The following SORCS3 variants were observed in gnomAD, a reference collection of about 807,000 sequenced individuals.
SORCS3 encodes the protein VPS10 domain-containing receptor SorCS3.
Under a neutral mutation model 146.3 loss-of-function variants are expected in SORCS3, and 57 were observed. The ratio of observed to expected loss-of-function variants is 0.39; its 90% CI spans 0.31 to 0.49. The LOEUF (loss-of-function observed/expected upper bound fraction) is 0.49. Among genes scored for constraint, SORCS3 ranks in the 20% least tolerant of loss-of-function variants. The pLI is 0.92. For synonymous variants in SORCS3, 653 were observed against 618.5 expected (o/e 1.06, Z -0.83); for missense variants, 1,341 against 1,575.5 (o/e 0.85, Z 2.52).
chr10:104,767,956 C>T (rs2017201386), intron 1 of SORCS3, among the ~76,000 whole-genome samples: 2 of 152,142 alleles, frequency 1.3e-5, no homozygotes, highest in Middle Eastern at 3.4e-3. Flanking sequence ...GCTCATCGTA[C>T]TCCAGTACAG....
intron 7 of SORCS3, among the ~76,000 whole-genome samples, chr10:105,128,721 T>G (rs114866524): frequency 0.011 from 1,611 of 152,256 alleles, 32 homozygotes; most frequent in African/African-American, 0.036. Context: ...CCCCACGCAA[T>G]CATTAGGATG....
chr10:105,173,841 T>G (rs1216195955), intron 13 of SORCS3, among the ~76,000 whole-genome samples: 1 of 152,228 alleles, frequency 6.6e-6, no homozygotes, highest in African/African-American at 2.4e-5. Flanking sequence ...GTAATGGTTT[T>G]CTCCTGAATC....
chr10:105,123,957 T>C (rs1421545919), intron 7 of SORCS3, among the ~76,000 whole-genome samples: 1 of 152,182 alleles, frequency 6.6e-6, no homozygotes, highest in Non-Finnish European at 1.5e-5. Context: ...TATAAAAACA[T>C]AAAAGACAAT....
intron 7 of SORCS3, among the ~76,000 whole-genome samples, chr10:105,137,448 G>T (rs1475271688): frequency 6.6e-6 from 1 of 151,884 alleles, no homozygotes; most frequent in Non-Finnish European, 1.5e-5. Context: ...AAAAGACACC[G>T]AATTGTACAG....
rs144793546 is a variant in SORCS3 at position 105,255,761 on chromosome 10, G to T, written c.3297G>T (p.Pro1099=). Residue 1099 remains proline, a synonymous_variant, in exon 24 of 27, where the codon CCG becomes CCT. Transcript: ENST00000369701. ...ATTTGGTCCAGTTTGAGCTGAAGCCGGGGGTACAAGTCATTGTGTATGTCA... is the reference window on the plus strand; with the variant it reads ...ATTTGGTCCAGTTTGAGCTGAAGCCTGGGGTACAAGTCATTGTGTATGTCA... The part of the protein sequence containing the change: ...NQNLVQFELK[P]GVQVIVYVTQ... 1 of 1,613,696 alleles carries T rather than the reference G, an allele frequency of 6.2e-7. No individual in the cohort carries two copies. Among genetic ancestry groups the T allele is most frequent in the South Asian group, 1.1e-5 (1 of 90,960 alleles).
chr10:104,649,704 G>A (rs2015536352), intron 1 of SORCS3, among the ~76,000 whole-genome samples: 1 of 152,206 alleles, frequency 6.6e-6, no homozygotes, highest in African/African-American at 2.4e-5. Context: ...GTGAATGACT[G>A]GGGACCTGTA....
intron 6 of SORCS3, among the ~76,000 whole-genome samples, chr10:105,103,023 C>T (rs1203615057): frequency 6.6e-6 from 1 of 151,818 alleles, no homozygotes; most frequent in Non-Finnish European, 1.5e-5. Context: ...CTCCTGACCT[C>T]GTGATCCACC....
At chr10:105,071,781 A>AT (rs577370900) in intron 5 of SORCS3, among the ~76,000 whole-genome samples, 14 of 152,182 alleles carry the variant, frequency 9.2e-5, no homozygotes, top group South Asian at 4.2e-4. Flanking sequence ...CTTTCTAACT[A>AT]TTTTTTTGTA....
At chr10:104,705,937 G>A (rs1432098367) in intron 1 of SORCS3, among the ~76,000 whole-genome samples, 1 of 152,204 alleles carries the variant, frequency 6.6e-6, no homozygotes, top group Admixed American at 6.5e-5. Context: ...CTAGAGGGGT[G>A]CTGGGCCCGA....
intron 1 of SORCS3, among the ~76,000 whole-genome samples, chr10:104,642,392 AC>A (rs936318792): frequency 2.8e-4 from 19 of 67,972 alleles, no homozygotes; most frequent in African/African-American, 3.8e-4. Flanking sequence ...CCCCACCCCC[AC>A]CCCCCCTCCC....
chr10:105,264,141 AG>A lies in SORCS3; in HGVS notation c.*773del, dbSNP rs1039096373. On this transcript the variant is annotated 3_prime_UTR_variant, in exon 27 of 27. Transcript: ENST00000369701. ...AGCTGGTTTCTACTTATGTATATAA[AG>A]GGGGGTGGGGGGAGGGGCTTCTCTG... 6 of 69,586 alleles carry A rather than the reference AG, an allele frequency of 8.6e-5. No individual in the cohort carries two copies. Among genetic ancestry groups the A allele is most frequent in the African/African-American group, 1.2e-4 (2 of 16,752 alleles). The allele number at this position is 69,586 out of a possible 1,614,324, so 4.3% of individuals were successfully genotyped here. A position where few individuals can be genotyped will look rare whatever the true frequency, so the allele number is the denominator to read the frequency against.
intron 1 of SORCS3, among the ~76,000 whole-genome samples, chr10:104,680,418 C>A (rs368884171): frequency 6.6e-6 from 1 of 152,200 alleles, no homozygotes; most frequent in South Asian, 2.1e-4. Flanking sequence ...TAGTGAGTCT[C>A]ATCTCTAGGC....
At chr10:105,205,278 G>A (rs10219105) in intron 16 of SORCS3, among the ~76,000 whole-genome samples, 51,391 of 152,012 alleles carry the variant, frequency 0.34, 8,828 homozygotes, top group South Asian at 0.48. Context: ...GATATTTTCT[G>A]TCTCTGTCCC....
At chr10:104,696,062 T>G (rs61861258) in intron 1 of SORCS3, among the ~76,000 whole-genome samples, 2 of 75,696 alleles carry the variant, frequency 2.6e-5, no homozygotes, top group African/African-American at 1.1e-4. Context: ...ATACACATAT[T>G]ATATATAATA....
chr10:105,157,864 A>G (rs893676004), intron 10 of SORCS3, among the ~76,000 whole-genome samples: 2 of 152,110 alleles, frequency 1.3e-5, no homozygotes, highest in Admixed American at 6.5e-5. Context: ...AAAATCCACA[A>G]TCTTCAGTGC....
At chr10:105,167,097 C>T (rs955499000) in intron 12 of SORCS3, among the ~76,000 whole-genome samples, 161 bp from the exon 13 acceptor site, 2 of 152,160 alleles carry the variant, frequency 1.3e-5, no homozygotes, top group Admixed American at 6.5e-5. Flanking sequence ...CCCATTTCCT[C>T]ATCAATCAAA....
chr10:105,092,608 A>AACACACACACAC (rs61665816), intron 6 of SORCS3, among the ~76,000 whole-genome samples: 3,756 of 147,300 alleles, frequency 0.025, 56 homozygotes, highest in Middle Eastern at 0.066. Flanking sequence ...TGCATTCACA[A>AACACACACACAC]ACACACACAC....
intron 1 of SORCS3, among the ~76,000 whole-genome samples, chr10:104,725,528 C>T (rs1329890040): frequency 6.6e-6 from 1 of 152,200 alleles, no homozygotes; most frequent in Admixed American, 6.5e-5. Context: ...TTTAAGTCTG[C>T]AGAGGTTTCT....
intron 2 of SORCS3, among the ~76,000 whole-genome samples, chr10:104,843,275 G>A (rs1411312333): frequency 1.3e-5 from 2 of 152,100 alleles, no homozygotes; most frequent in African/African-American, 2.4e-5. Context: ...TGTGGTTCTT[G>A]AGAAGGCAGT....
Sources: allele counts gnomAD v4.1 joint callset (sites outside exome capture counted in the v4.1 genomes callset), GRCh38; gene constraint gnomAD v4.1.1; transcripts MANE v1.5; gene names NCBI Gene and HGNC (gene_info 2026-07-23, HGNC 2026-07-21).